Variants in CBX2 observed in about 807,000 individuals in gnomAD.
CBX2 encodes the protein chromobox 2.
A neutral mutation model predicts 21.0 loss-of-function variants in CBX2; 11 were observed. The observed-to-expected ratio is 0.52, with a 90% CI of 0.33 to 0.87. CBX2 has a LOEUF of 0.87. CBX2 is among the 40% of genes least tolerant of loss of function. The pLI, the probability that CBX2 is intolerant of heterozygous loss-of-function variation, is 0.02. For missense variants in CBX2, 746 were observed against 724.3 expected (o/e 1.03, Z -0.34); for synonymous variants, 364 against 304.6 (o/e 1.19, Z -2.03).
At position 79,778,205 on chromosome 17, in the gene CBX2, G is replaced by A. The variant is rs1461863108; in HGVS notation, c.-31G>A. On this transcript the variant is annotated 5_prime_UTR_variant, in exon 1 of 5. Transcript: ENST00000310942. The surrounding 1 kb of genome is among the most constrained non-coding windows in gnomAD (Gnocchi z 4.8). ...CGGTCCGGGCGGGTGACTGGCGGCG[G>A]GCGCCGCGGTCGGGCTGGCTGCCGG... 28 of 1,288,164 alleles carry A rather than the reference G, an allele frequency of 2.2e-5. No homozygotes were observed. In the Admixed American group the frequency reaches 2.2e-4, roughly 10 times the overall value. The allele number at this position is 1,288,164 out of a possible 1,614,324, so 79.8% of individuals were successfully genotyped here. A position where few individuals can be genotyped will look rare whatever the true frequency, so the allele number is the denominator to read the frequency against.
Position 79,784,695 on chromosome 17 carries a change from G to A in CBX2, c.1252G>A (p.Ala418Thr), listed in dbSNP as rs1555831318. Reference protein sequence around the residue: ...TSKSEKLASRAVAPPTPASKR... With the variant: ...TSKSEKLASRTVAPPTPASKR... ...CAAAAGTGAGAAGCTGGCTTCCAGAGCAGTGGCGCCACCCACCCCTGCCAG... is the reference window on the plus strand; with the variant it reads ...CAAAAGTGAGAAGCTGGCTTCCAGAACAGTGGCGCCACCCACCCCTGCCAG... Residue 418 changes from alanine to threonine, a missense_variant, in exon 5 of 5, where the codon GCA (alanine) becomes ACA (threonine). By Grantham distance (58) the Ala-to-Thr change is moderately conservative (BLOSUM62 0). Coordinates refer to ENST00000310942, the MANE Select transcript of CBX2 (RefSeq NM_005189.3). This position sits in a 1 kb window ranked among gnomAD's most constrained non-coding sequence, Gnocchi z 5.9. 2 of 1,611,674 alleles carry A rather than the reference G, an allele frequency of 1.2e-6. No homozygotes were observed. The highest frequency in any genetic ancestry group is 8.5e-7 in the Non-Finnish European group (1 of 1,179,630).
chr17:79,778,466 T>G lies in CBX2; in HGVS notation c.116+39T>G. 3 of 1,366,994 alleles carry G rather than the reference T, an allele frequency of 2.2e-6. No homozygotes were observed. Among genetic ancestry groups the G allele is most frequent in the Non-Finnish European group, 3.0e-6 (3 of 1,013,850 alleles). 84.7% of individuals were successfully genotyped at this position (1,366,994 alleles called of 1,614,324 possible). ...GACGCCGCGCCCCCCTCCCGCCCCC[T>G]CGCCCGGGGGTGGGGACGTGGAGCC... is the stretch of plus-strand genomic sequence containing the variant. On this transcript the variant is annotated intron_variant, in intron 2 of 4. Coordinates refer to ENST00000310942, the MANE Select transcript of CBX2 (RefSeq NM_005189.3). This position sits in a 1 kb window ranked among gnomAD's most constrained non-coding sequence, Gnocchi z 4.8.
At chr17:79,782,673 C>T (rs1182855033) in intron 4 of CBX2, 1 of 242,066 alleles carries the variant, frequency 4.1e-6, no homozygotes, top group Non-Finnish European at 6.8e-6. Flanking sequence ...GAAAATCTTC[C>T]TTTTGAGCAG....
At position 79,778,266 on chromosome 17, in the gene CBX2, G is replaced by A. The variant is rs1555829358; in HGVS notation, c.31G>A (p.Val11Ile). 12 of 1,527,528 alleles carry A rather than the reference G, an allele frequency of 7.9e-6. No homozygotes were observed. Among genetic ancestry groups the A allele is most frequent in the East Asian group, 2.5e-5 (1 of 39,224 alleles). The allele number at this position is 1,527,528 out of a possible 1,614,324, so 94.6% of individuals were successfully genotyped here. A position where few individuals can be genotyped will look rare whatever the true frequency, so the allele number is the denominator to read the frequency against. Reference protein sequence around the residue: MEELSSVGEQVFAAECILSKR... With the variant: MEELSSVGEQIFAAECILSKR... ...GGAGCTGAGCAGCGTGGGCGAGCAG[G>A]TCTTCGCCGCCGAGTGCATCCTGAG... The change falls in exon 1 of 5, where the codon GTC (valine) becomes ATC (isoleucine). Residue 11 changes from valine (V) to isoleucine (I), a missense_variant. Coordinates refer to ENST00000310942, the MANE Select transcript of CBX2 (RefSeq NM_005189.3). This position sits in a 1 kb window ranked among gnomAD's most constrained non-coding sequence, Gnocchi z 4.8.
At chr17:79,783,195 C>CGA (rs1907363171) in intron 4 of CBX2, among the ~76,000 whole-genome samples, 1 of 152,158 alleles carries the variant, frequency 6.6e-6, no homozygotes, top group African/African-American at 2.4e-5. Context: ...ACTCTGTCTT[C>CGA]ATTTTTACGA....
upstream of CBX2, among the ~76,000 whole-genome samples, chr17:79,777,910 C>T (rs1429808549): frequency 2.0e-5 from 3 of 148,224 alleles, no homozygotes; most frequent in African/African-American, 7.4e-5. Context: ...GCCAGGGGCC[C>T]GCCCGCGCCC....
upstream of CBX2, among the ~76,000 whole-genome samples, chr17:79,777,639 G>C (rs537385437): frequency 4.5e-4 from 68 of 151,860 alleles, no homozygotes; most frequent in Non-Finnish European, 1.2e-4. Flanking sequence ...GTCCAAAACA[G>C]AGCGACTCCC....
intron 3 of CBX2, among the ~76,000 whole-genome samples, chr17:79,781,333 A>G (rs1368238363): frequency 6.6e-6 from 1 of 152,112 alleles, no homozygotes; most frequent in Non-Finnish European, 1.5e-5. Context: ...ATTGAAAGTA[A>G]GGAGGTTGGA....
At chr17:79,782,205 C>T (rs1281896464) in intron 4 of CBX2, 3 of 1,609,362 alleles carry the variant, frequency 1.9e-6, no homozygotes, top group Admixed American at 1.7e-5. Context: ...TTGGGGGCTA[C>T]TCCGGGCCCA....
At chr17:79,783,127 C>T (rs1036790020) in intron 4 of CBX2, among the ~76,000 whole-genome samples, 27 of 152,210 alleles carry the variant, frequency 1.8e-4, no homozygotes, top group African/African-American at 5.3e-4. Flanking sequence ...AAATCTGCAT[C>T]CCCCTTGAAA....
chr17:79,784,450 T>C lies in CBX2; in HGVS notation c.1007T>C (p.Val336Ala), dbSNP rs782422593. Residue 336 changes from valine to alanine, a missense_variant, in exon 5 of 5, where the codon GTG (valine) becomes GCG (alanine). By Grantham distance (64) the Val-to-Ala change is moderately conservative. Coordinates refer to ENST00000310942, the MANE Select transcript of CBX2 (RefSeq NM_005189.3). This position sits in a 1 kb window ranked among gnomAD's most constrained non-coding sequence, Gnocchi z 5.9. The part of the protein sequence containing the change: ...GPPHTHGASR[V>A]PAGCPGPQPA... ...CCGCACACCCATGGTGCCAGCAGGG[T>C]GCCTGCTGGGTGCCCAGGCCCCCAG... The C allele has an allele frequency of 1.2e-5, 20 of 1,611,536 alleles. No individual in the cohort carries two copies. The highest frequency in any genetic ancestry group is 1.7e-5 in the Non-Finnish European group (20 of 1,179,452).
At chr17:79,783,359 C>A (rs1020440468) in intron 4 of CBX2, among the ~76,000 whole-genome samples, 4 of 151,732 alleles carry the variant, frequency 2.6e-5, no homozygotes, top group African/African-American at 9.7e-5. Context: ...GACAGCATGG[C>A]GCTCTGGACC....
intron 4 of CBX2, 173 bp downstream of exon 4, chr17:79,781,974 G>A (rs2145825119): frequency 6.2e-7 from 1 of 1,613,174 alleles, no homozygotes; most frequent in South Asian, 1.1e-5. Context: ...AGCTTCTGCT[G>A]CCAGGGGCCC....
chr17:79,779,268 T>TC (rs781864997), intron 2 of CBX2, 94 bp from the exon 3 acceptor site: 1 of 1,222,122 alleles, frequency 8.2e-7, no homozygotes, highest in Non-Finnish European at 1.2e-6. Context: ...TCGGCCCAAG[T>TC]CGAGGAGCGG....
intron 3 of CBX2, chr17:79,779,780 CAG>C: frequency 3.0e-6 from 1 of 331,730 alleles, no homozygotes; most frequent in Non-Finnish European, 5.9e-6. Flanking sequence ...ATGGCGCTAA[CAG>C]AAAACCAGGA....
chr17:79,781,153 A>G (rs1907163570), intron 3 of CBX2, among the ~76,000 whole-genome samples: 1 of 152,108 alleles, frequency 6.6e-6, no homozygotes, highest in Non-Finnish European at 1.5e-5. Context: ...GAGTTTAGGA[A>G]CAGAGAGGTA....
intron 4 of CBX2, chr17:79,782,279 T>C: frequency 6.5e-7 from 1 of 1,543,910 alleles, no homozygotes; most frequent in Non-Finnish European, 8.7e-7. Flanking sequence ...AGCCAGGGGG[T>C]GCCAGGAGGG....
rs782705870 is a variant in CBX2, at chr17:79,785,026, A to T, written c.1583A>T (p.Asn528Ile). The T allele has an allele frequency of 3.1e-6, 5 of 1,600,744 alleles. No homozygotes were observed. The South Asian group carries it at 5.5e-5, about 18-fold the overall frequency. Residue 528 changes from asparagine (N) to isoleucine (I), a missense_variant, in exon 5 of 5, where the codon AAC (asparagine) becomes ATC (isoleucine). Asn to Ile is a moderately radical substitution (Grantham distance 149, BLOSUM62 -3). Around this residue, in one of 2 missense-constraint regions of CBX2, gnomAD observed 701 missense variants for 650.7 expected, o/e 1.08. Transcript: ENST00000310942. The part of the protein sequence containing the change: ...KESPTSVGFF[N>I]LRHY Reference sequence around the variant, plus strand: ...TCTCCCACCAGCGTGGGCTTCTTCAACCTGAGGCATTACTGAAGCCCCGGC... The same window carrying T: ...TCTCCCACCAGCGTGGGCTTCTTCATCCTGAGGCATTACTGAAGCCCCGGC...
chr17:79,779,467 G>C, intron 3 of CBX2, 40 bp downstream of exon 3: 1 of 1,585,680 alleles, frequency 6.3e-7, no homozygotes, highest in Non-Finnish European at 8.6e-7. Context: ...GTGGGGGAGG[G>C]ACGGTGGCTG....
Sources: allele counts gnomAD v4.1 joint callset (sites outside exome capture counted in the v4.1 genomes callset), GRCh38; gene constraint gnomAD v4.1.1; regional missense constraint gnomAD v4.1.1; non-coding constraint Gnocchi (gnomAD v3.1); transcripts MANE v1.5; gene names NCBI Gene and HGNC (gene_info 2026-07-23, HGNC 2026-07-21).